EFR3A: variants seen among roughly 807,000 people sequenced by gnomAD.
EFR3A encodes protein EFR3 homolog A.
Under a neutral mutation model 104.4 loss-of-function variants are expected in EFR3A, and 76 were observed. The ratio of observed to expected loss-of-function variants is 0.73; its 90% confidence interval spans 0.60 to 0.88. EFR3A has a LOEUF of 0.88. EFR3A is among the 40% of genes least tolerant of loss of function. The pLI, the probability that EFR3A is intolerant of heterozygous loss-of-function variation, is 0.00. For missense variants in EFR3A, 985 were observed against 1,012.5 expected (o/e 0.97, Z 0.37); for synonymous variants, 330 against 330.0 (o/e 1.00, Z 0.00).
At chr8:131,962,281 C>G (rs1342690313) in intron 8 of EFR3A, among the ~76,000 whole-genome samples, 5 of 152,178 alleles carry the variant, frequency 3.3e-5, no homozygotes, top group African/African-American at 1.2e-4. Flanking sequence ...GATTAAGAGT[C>G]AAGACCCATC....
At chr8:131,941,974 G>A in intron 2 of EFR3A, among the ~76,000 whole-genome samples, 1 of 152,064 alleles carries the variant, frequency 6.6e-6, no homozygotes, top group East Asian at 1.9e-4. Flanking sequence ...TGAAATTTCA[G>A]ATGTTATCAA....
At chr8:131,968,546 T>C (rs1444627098) in intron 9 of EFR3A, 116 bp downstream of exon 9, 1 of 1,140,376 alleles carries the variant, frequency 8.8e-7, no homozygotes, top group Non-Finnish European at 1.2e-6. Flanking sequence ...TTTTTCGGTG[T>C]ACAATAATTT....
chr8:131,913,070 G>A (rs1348352307), intron 1 of EFR3A, among the ~76,000 whole-genome samples: 1 of 150,604 alleles, frequency 6.6e-6, no homozygotes, highest in Admixed American at 6.6e-5. Context: ...AACCTGAAAG[G>A]TTGAGATGAG....
intron 10 of EFR3A, among the ~76,000 whole-genome samples, chr8:131,971,120 A>G (rs1820030663): frequency 6.6e-6 from 1 of 152,242 alleles, no homozygotes; most frequent in Admixed American, 6.5e-5. Context: ...TAACCAGAGT[A>G]AAATTGTCAA....
chr8:131,936,084 A>G (rs544597780), intron 1 of EFR3A, among the ~76,000 whole-genome samples: 22 of 152,114 alleles, frequency 1.4e-4, no homozygotes, highest in Non-Finnish European at 2.8e-4. Context: ...CCTTCTATGA[A>G]TGCCTCTTTG....
At chr8:131,927,046 C>A (rs575293917) in intron 1 of EFR3A, among the ~76,000 whole-genome samples, 1 of 152,144 alleles carries the variant, frequency 6.6e-6, no homozygotes, top group East Asian at 1.9e-4. Context: ...AACATTTCAC[C>A]CTGTGAGTCT....
chr8:131,946,310 C>T (rs1818437767), intron 3 of EFR3A, among the ~76,000 whole-genome samples, 173 bp from the exon 4 acceptor site: 1 of 151,980 alleles, frequency 6.6e-6, no homozygotes, highest in South Asian at 2.1e-4. Context: ...TATTTTATAA[C>T]CTACAAGATA....
intron 1 of EFR3A, among the ~76,000 whole-genome samples, chr8:131,906,415 G>A (rs1446103395): frequency 6.6e-6 from 1 of 152,184 alleles, no homozygotes; most frequent in South Asian, 2.1e-4. Context: ...CAGTTAATCC[G>A]TACGAGTTTT....
chr8:131,950,342 A>G (rs1331254565), intron 5 of EFR3A, among the ~76,000 whole-genome samples: 1 of 152,084 alleles, frequency 6.6e-6, no homozygotes, highest in Non-Finnish European at 1.5e-5. Context: ...CTGTCCTTCT[A>G]TCATTTCTTC....
intron 4 of EFR3A, among the ~76,000 whole-genome samples, chr8:131,949,635 T>C (rs1818601111): frequency 1.3e-5 from 2 of 151,392 alleles, no homozygotes; most frequent in Non-Finnish European, 3.0e-5. Context: ...AAGACCCCCA[T>C]TGTTACAAAA....
chr8:131,934,293 C>A (rs1367623405), intron 1 of EFR3A, among the ~76,000 whole-genome samples: 1 of 152,058 alleles, frequency 6.6e-6, no homozygotes, highest in Non-Finnish European at 1.5e-5. Flanking sequence ...TACAGTTGTC[C>A]TTCACTGTCT....
At chr8:131,923,572 T>C (rs1817158130) in intron 1 of EFR3A, among the ~76,000 whole-genome samples, 2 of 151,790 alleles carry the variant, frequency 1.3e-5, no homozygotes, top group South Asian at 4.2e-4. Flanking sequence ...AATAAAATGT[T>C]GTTATTCTGA....
At chr8:131,921,594 T>C (rs186420073) in intron 1 of EFR3A, among the ~76,000 whole-genome samples, 2 of 152,344 alleles carry the variant, frequency 1.3e-5, no homozygotes, top group African/African-American at 4.8e-5. Context: ...AACTTTGATG[T>C]AAATTAATGG....
intron 1 of EFR3A, among the ~76,000 whole-genome samples, chr8:131,908,841 C>T (rs564179620): frequency 7.6e-4 from 115 of 152,220 alleles, no homozygotes; most frequent in African/African-American, 2.8e-3. Flanking sequence ...TGAATCTTTA[C>T]AAAATTTTTA....
intron 1 of EFR3A, among the ~76,000 whole-genome samples, chr8:131,930,171 T>C (rs1817517273): frequency 6.6e-6 from 1 of 152,146 alleles, no homozygotes; most frequent in Non-Finnish European, 1.5e-5. Flanking sequence ...TATTCATTCA[T>C]TTAACAAATA....
At chr8:131,963,238 G>A (rs371908722) in intron 8 of EFR3A, among the ~76,000 whole-genome samples, 1 of 152,058 alleles carries the variant, frequency 6.6e-6, no homozygotes, top group African/African-American at 2.4e-5. Flanking sequence ...AACTGAAGGA[G>A]ATAGAGACAC....
intron 1 of EFR3A, among the ~76,000 whole-genome samples, chr8:131,921,419 C>T (rs899698917): frequency 2.6e-5 from 4 of 152,110 alleles, no homozygotes; most frequent in African/African-American, 7.2e-5. Flanking sequence ...CAAAGACCCC[C>T]CTCTCTCTAG....
intron 14 of EFR3A, among the ~76,000 whole-genome samples, chr8:131,982,845 A>C (rs1279250319): frequency 6.6e-6 from 1 of 152,156 alleles, no homozygotes; most frequent in South Asian, 2.1e-4. Context: ...AGAGAGAGAA[A>C]GAACGAGAGA....
intron 15 of EFR3A, among the ~76,000 whole-genome samples, chr8:131,984,628 C>G (rs1173533809): frequency 6.6e-6 from 1 of 151,666 alleles, no homozygotes; most frequent in Non-Finnish European, 1.5e-5. Context: ...ATTAGAGTTG[C>G]GTAAGTGTTA....
Sources: allele counts gnomAD v4.1 joint callset (sites outside exome capture counted in the v4.1 genomes callset), GRCh38; gene constraint gnomAD v4.1.1; transcripts MANE v1.5; gene names NCBI Gene and HGNC (gene_info 2026-07-23, HGNC 2026-07-21).